The following SOS1 variants were observed in gnomAD, a reference collection of about 807,000 sequenced individuals.
SOS1 encodes the protein SOS Ras/Rac guanine nucleotide exchange factor 1, also known as son of sevenless homolog 1.
A neutral mutation model predicts 157.6 loss-of-function variants in SOS1; 25 were observed. The observed-to-expected ratio is 0.16, with a 90% CI of 0.12 to 0.22. SOS1 has a LOEUF of 0.22. Among genes scored for constraint, SOS1 ranks in the 10% least tolerant of loss-of-function variants. The pLI, the probability that SOS1 is intolerant of heterozygous loss-of-function variation, is 1.00. For synonymous variants in SOS1, 528 were observed against 534.0 expected, an observed-to-expected ratio of 0.99 and a Z score of 0.16; for missense variants, 1,237 against 1,599.1, an observed-to-expected ratio of 0.77 and a Z score of 3.86.
At chr2:39,058,284 A>T (rs1344543705) in intron 3 of SOS1, among the ~76,000 whole-genome samples, 3 of 152,036 alleles carry the variant, frequency 2.0e-5, no homozygotes, top group Non-Finnish European at 4.4e-5. Context: ...ATAGCCTTGT[A>T]GCCTTTTCAC....
At chr2:39,063,305 G>C (rs1671475180) in intron 2 of SOS1, among the ~76,000 whole-genome samples, 1 of 149,048 alleles carries the variant, frequency 6.7e-6, no homozygotes, top group Non-Finnish European at 1.5e-5. Context: ...CTTTTTATTA[G>C]GTATTACAAG....
At chr2:39,054,084 C>T (rs532270504) in intron 5 of SOS1, among the ~76,000 whole-genome samples, 55 of 152,232 alleles carry the variant, frequency 3.6e-4, no homozygotes, top group African/African-American at 1.3e-3. Context: ...CTCGCCACCA[C>T]GCCCGGCTAA....
intron 6 of SOS1, among the ~76,000 whole-genome samples, chr2:39,042,052 T>C (rs1486931106): frequency 6.6e-6 from 1 of 152,162 alleles, no homozygotes; most frequent in Non-Finnish European, 1.5e-5. Flanking sequence ...TTTTCAGGGC[T>C]CTTTATTCTG....
chr2:38,998,495 C>G (rs1668976608), intron 17 of SOS1, among the ~76,000 whole-genome samples: 1 of 152,142 alleles, frequency 6.6e-6, no homozygotes, highest in South Asian at 2.1e-4. Flanking sequence ...AGGTGATCCA[C>G]CCACCTTGGC....
chr2:39,083,974 G>A (rs1672291256), intron 1 of SOS1, among the ~76,000 whole-genome samples: 2 of 152,096 alleles, frequency 1.3e-5, no homozygotes, highest in South Asian at 4.1e-4. Flanking sequence ...GGTCATTAGG[G>A]TAGGCCTGAA....
At chr2:39,007,223 T>G in intron 15 of SOS1, 30 bp from the exon 16 acceptor site, 1 of 1,363,528 alleles carries the variant, frequency 7.3e-7, no homozygotes, top group Non-Finnish European at 1.0e-6. Flanking sequence ...GAACTAAAGG[T>G]TTTAGAGTTT....
At chr2:39,034,348 T>C (rs1352376755) in intron 8 of SOS1, among the ~76,000 whole-genome samples, 7 of 152,234 alleles carry the variant, frequency 4.6e-5, no homozygotes, top group Admixed American at 1.3e-4. Context: ...AGAGAGCCCA[T>C]TTTATCATCT....
At chr2:39,035,606 A>G in intron 6 of SOS1, 106 bp from the exon 7 acceptor site, 1 of 783,246 alleles carries the variant, frequency 1.3e-6, no homozygotes, top group Non-Finnish European at 2.2e-6. Flanking sequence ...TGTCTTTGAA[A>G]GTCTCTAAGC....
chr2:39,091,728 C>A (rs1247471759), intron 1 of SOS1, among the ~76,000 whole-genome samples: 1 of 152,186 alleles, frequency 6.6e-6, no homozygotes, highest in Non-Finnish European at 1.5e-5. Context: ...CCACCCAGGG[C>A]TGTCATGGTC....
chr2:39,083,196 G>A (rs1183586391), intron 1 of SOS1, among the ~76,000 whole-genome samples: 2 of 152,058 alleles, frequency 1.3e-5, no homozygotes, highest in African/African-American at 2.4e-5. Flanking sequence ...ACCCAATTCG[G>A]ATGATTAACT....
intron 1 of SOS1, 54 bp from the exon 2 acceptor site, chr2:39,067,807 T>G: frequency 4.6e-6 from 7 of 1,527,068 alleles, no homozygotes; most frequent in Non-Finnish European, 6.4e-6. Context: ...ATTAAACAAA[T>G]TTTTAAAACT....
At chr2:39,009,148 T>A (rs1669379262) in intron 15 of SOS1, among the ~76,000 whole-genome samples, 1 of 151,866 alleles carries the variant, frequency 6.6e-6, no homozygotes, top group Admixed American at 6.6e-5. Flanking sequence ...AGGATATCAT[T>A]AAAGAGATAG....
At chr2:39,066,335 G>A (rs1345575117) in intron 2 of SOS1, among the ~76,000 whole-genome samples, 1 of 152,190 alleles carries the variant, frequency 6.6e-6, no homozygotes, top group Non-Finnish European at 1.5e-5. Context: ...ACACTTGAGT[G>A]CTGCAAAAGC....
intron 1 of SOS1, among the ~76,000 whole-genome samples, chr2:39,083,973 G>C (rs1261660716): frequency 6.6e-6 from 1 of 152,094 alleles, no homozygotes; most frequent in Non-Finnish European, 1.5e-5. Flanking sequence ...AGGTCATTAG[G>C]GTAGGCCTGA....
At chr2:39,037,684 T>C (rs1203296170) in intron 6 of SOS1, among the ~76,000 whole-genome samples, 1 of 152,156 alleles carries the variant, frequency 6.6e-6, no homozygotes, top group Non-Finnish European at 1.5e-5. Flanking sequence ...GGCCCCATTT[T>C]TCCAACAGCA....
intron 17 of SOS1, among the ~76,000 whole-genome samples, chr2:38,998,974 C>G (rs1488693714): frequency 6.6e-6 from 1 of 152,162 alleles, no homozygotes; most frequent in Admixed American, 6.6e-5. Context: ...TTGGCTACTA[C>G]AGTATAATTT....
intron 14 of SOS1, 103 bp from the exon 15 acceptor site, chr2:39,010,806 C>T: frequency 2.2e-6 from 2 of 911,156 alleles, no homozygotes; most frequent in Non-Finnish European, 3.5e-6. Flanking sequence ...CTCATATGAA[C>T]TTTCCTCTTA....
At chr2:39,123,175 C>T (rs1257664077), upstream of SOS1, among the ~76,000 whole-genome samples, 2 of 152,150 alleles carry the variant, frequency 1.3e-5, no homozygotes, top group Non-Finnish European at 2.9e-5. Context: ...TGGTTATAAA[C>T]ATCACCACCT....
At chr2:39,106,184 T>TACATACAC (rs1178554968) in intron 1 of SOS1, among the ~76,000 whole-genome samples, 1 of 148,122 alleles carries the variant, frequency 6.8e-6, no homozygotes, top group African/African-American at 2.5e-5. Flanking sequence ...TGTGCTACTG[T>TACATACAC]ACACACACAC....
Sources: gnomAD v4.1 joint callset for allele counts (sites outside exome capture counted in the v4.1 genomes callset) on GRCh38, gnomAD v4.1.1 for gene constraint, MANE v1.5 for transcripts, NCBI Gene and HGNC (gene_info 2026-07-23, HGNC 2026-07-21) for gene names.